The following SMCO2 variants were observed in gnomAD, a reference collection of about 807,000 sequenced individuals.
SMCO2 encodes the protein single-pass membrane and coiled-coil domain-containing protein 2.
Under a neutral mutation model 29.5 loss-of-function variants are expected in SMCO2, and 25 were observed. The observed-to-expected ratio is 0.85, with a 90% confidence interval of 0.62 to 1.18. The LOEUF (loss-of-function observed/expected upper bound fraction) is 1.18, where lower values mean the gene tolerates loss of function less well. Ranked by LOEUF, SMCO2 falls within the 50% of genes most tolerant of loss-of-function variation. The pLI is 0.00. For missense variants in SMCO2, 348 were observed against 344.5 expected (o/e 1.01, Z -0.08); for synonymous variants, 117 against 123.3 (o/e 0.95, Z 0.34).
chr12:27,468,273 CAG>C (rs891926664), intron 1 of SMCO2, among the ~76,000 whole-genome samples: 3 of 152,202 alleles, frequency 2.0e-5, no homozygotes, highest in Non-Finnish European at 2.9e-5. Flanking sequence ...TAGTCTAGAA[CAG>C]GGGTTGGCAT....
At chr12:27,495,738 C>T in exon 7 of SMCO2, 1 of 1,537,008 alleles carries the variant, frequency 6.5e-7, no homozygotes, top group Non-Finnish European at 8.8e-7. Context: ...CAAATGGAGG[C>T]AGAGGACACT....
At chr12:27,493,014 G>A (rs4601825) in intron 5 of SMCO2, among the ~76,000 whole-genome samples, 2,258 of 152,244 alleles carry the variant, frequency 0.015, 58 homozygotes, top group African/African-American at 0.051. Context: ...AAAAAAGAAC[G>A]AGATCATGTC....
At chr12:27,463,265 GTCTT>G (rs1463708604), upstream of SMCO2, among the ~76,000 whole-genome samples, 3 of 152,078 alleles carry the variant, frequency 2.0e-5, no homozygotes, top group East Asian at 1.9e-4. Context: ...ATTTCTTTAT[GTCTT>G]TCTTTATTTT....
At chr12:27,456,484 A>G in the SMCO2 span, among the ~76,000 whole-genome samples, 1 of 152,094 alleles carries the variant, frequency 6.6e-6, no homozygotes, top group African/African-American at 2.4e-5. Flanking sequence ...GGGTCTTGCT[A>G]TGTTGCCCAG....
At chr12:27,450,995 T>C in the SMCO2 span, among the ~76,000 whole-genome samples, 21 of 152,262 alleles carry the variant, frequency 1.4e-4, no homozygotes, top group Non-Finnish European at 2.6e-4. Context: ...CAAAGAATTC[T>C]AGATTTTGAT....
At chr12:27,498,570 TA>T in intron 7 of SMCO2, 2 of 235,448 alleles carry the variant, frequency 8.5e-6, no homozygotes, top group Admixed American at 4.2e-5. Context: ...ATCCCGGGAA[TA>T]AAACCTGTCC....
At chr12:27,450,566 C>G in the SMCO2 span, among the ~76,000 whole-genome samples, 1,164 of 152,310 alleles carry the variant, frequency 7.6e-3, 11 homozygotes, top group Non-Finnish European at 0.013. Flanking sequence ...AGCCATACTT[C>G]AGGACTGGTA....
At chr12:27,456,365 G>A in the SMCO2 span, among the ~76,000 whole-genome samples, 168 of 152,334 alleles carry the variant, frequency 1.1e-3, 3 homozygotes, top group East Asian at 0.03. Context: ...TATAAGGCAA[G>A]TAAAGCGTTT....
upstream of SMCO2, among the ~76,000 whole-genome samples, chr12:27,465,028 C>CAAAAAAAAAAAAAA (rs35630976): frequency 4.1e-4 from 25 of 60,408 alleles, no homozygotes; most frequent in African/African-American, 7.2e-4. Context: ...GACCCTGTCT[C>CAAAAAAAAAAAAAA]AAAAAAAAAA....
chr12:27,455,711 A>G, the SMCO2 span, among the ~76,000 whole-genome samples: 1 of 152,228 alleles, frequency 6.6e-6, no homozygotes, highest in Non-Finnish European at 1.5e-5. Flanking sequence ...CAGCCCCCCA[A>G]AATTGAAAAG....
At chr12:27,454,517 T>C in the SMCO2 span, among the ~76,000 whole-genome samples, 8 of 152,196 alleles carry the variant, frequency 5.3e-5, no homozygotes, top group Non-Finnish European at 1.0e-4. Context: ...TTACCTGCCT[T>C]TTCTGTGGTA....
At chr12:27,426,697 T>C in the SMCO2 span, among the ~76,000 whole-genome samples, 3 of 152,280 alleles carry the variant, frequency 2.0e-5, no homozygotes, top group African/African-American at 7.2e-5. Flanking sequence ...TGAGACTATA[T>C]AGCAAACAAA....
chr12:27,494,150 A>G (rs2135575549), intron 5 of SMCO2, 150 bp from the exon 7 acceptor site: 1 of 475,650 alleles, frequency 2.1e-6, no homozygotes, highest in East Asian at 3.8e-5. Context: ...TGATTACACT[A>G]TGAATTTGCT....
intron 4 of SMCO2, among the ~76,000 whole-genome samples, chr12:27,479,490 A>G (rs539438299): frequency 1.3e-5 from 2 of 152,334 alleles, no homozygotes; most frequent in African/African-American, 4.8e-5. Context: ...GATAGCACCA[A>G]TAGGATATAT....
the SMCO2 span, among the ~76,000 whole-genome samples, chr12:27,436,104 GA>G: frequency 9.2e-5 from 14 of 152,158 alleles, no homozygotes; most frequent in African/African-American, 3.4e-4. Context: ...GTTGCTCTCT[GA>G]GACCCCTTTT....
intron 4 of SMCO2, among the ~76,000 whole-genome samples, chr12:27,480,334 C>A (rs537880244): frequency 3.6e-4 from 55 of 152,308 alleles, no homozygotes; most frequent in Middle Eastern, 3.4e-3. Flanking sequence ...TGGCAACACC[C>A]TCACAGACAC....
chr12:27,449,678 C>A, the SMCO2 span, among the ~76,000 whole-genome samples: 2 of 152,178 alleles, frequency 1.3e-5, no homozygotes, highest in African/African-American at 2.4e-5. Context: ...GTTAAAATAT[C>A]CAATACAAAT....
At chr12:27,489,041 T>A (rs1481397443) in intron 5 of SMCO2, among the ~76,000 whole-genome samples, 1 of 152,092 alleles carries the variant, frequency 6.6e-6, no homozygotes, top group Non-Finnish European at 1.5e-5. Flanking sequence ...AAGGTTTAAT[T>A]TTCCACTTTC....
chr12:27,482,033 T>C (rs527483790), intron 4 of SMCO2, among the ~76,000 whole-genome samples: 2 of 152,216 alleles, frequency 1.3e-5, no homozygotes, highest in East Asian at 1.9e-4. Flanking sequence ...TTATGTCCTT[T>C]CTTCTGCTGA....
Sources: gnomAD v4.1 joint callset for allele counts (sites outside exome capture counted in the v4.1 genomes callset) on GRCh38, gnomAD v4.1.1 for gene constraint, MANE v1.5 for transcripts, NCBI Gene and HGNC (gene_info 2026-07-23, HGNC 2026-07-21) for gene names.